DLAT: variants seen among roughly 807,000 people sequenced by gnomAD.
DLAT encodes the protein dihydrolipoyllysine-residue acetyltransferase component of pyruvate dehydrogenase complex, mitochondrial.
DLAT carries 43 observed loss-of-function variants against 68.0 expected under a neutral mutation model. The observed-to-expected ratio is 0.63, with a 90% CI of 0.50 to 0.81. The LOEUF (loss-of-function observed/expected upper bound fraction) is 0.81, where lower values mean the gene tolerates loss of function less well. DLAT is among the 40% of genes least tolerant of loss of function. DLAT has a pLI of 0.00. For missense variants in DLAT, 745 were observed against 815.4 expected (o/e 0.91, Z 1.05); for synonymous variants, 265 against 288.6 (o/e 0.92, Z 0.83).
At chr11:112,043,588 A>G (rs1302986446) in intron 8 of DLAT, 55 bp downstream of exon 8, 5 of 1,360,282 alleles carry the variant, frequency 3.7e-6, no homozygotes, top group Non-Finnish European at 4.2e-6. Context: ...AGCCTGTTAG[A>G]CCATTTCATA....
intron 11 of DLAT, among the ~76,000 whole-genome samples, chr11:112,052,771 C>G (rs974644214): frequency 1.6e-4 from 25 of 152,080 alleles, no homozygotes; most frequent in African/African-American, 6.0e-4. Flanking sequence ...CTCCCCTTTC[C>G]CTTAGGTCAG....
chr11:112,056,791 A>G (rs1310222815), intron 11 of DLAT, among the ~76,000 whole-genome samples: 4 of 152,204 alleles, frequency 2.6e-5, no homozygotes, highest in African/African-American at 4.8e-5. Context: ...CTTCCCACCA[A>G]TAGTGGATAA....
At chr11:112,054,512 G>A (rs1427091269) in intron 11 of DLAT, among the ~76,000 whole-genome samples, 1 of 152,142 alleles carries the variant, frequency 6.6e-6, no homozygotes, top group Non-Finnish European at 1.5e-5. Context: ...CTACGTATAT[G>A]TGAATTCTTT....
chr11:112,033,686 A>T (rs1217176374), intron 5 of DLAT, among the ~76,000 whole-genome samples, 156 bp downstream of exon 5: 1 of 152,142 alleles, frequency 6.6e-6, no homozygotes, highest in Non-Finnish European at 1.5e-5. Context: ...TTATTTAGTT[A>T]TATGTATTCT....
At position 112,051,748 on chromosome 11, in the gene DLAT, A is replaced by G. The variant is rs924538854; in HGVS notation, c.1514+399A>G. Among the ~76,000 whole-genome samples the G allele has an allele frequency of 3.3e-5, 5 of 152,126 alleles. No individual in the cohort carries two copies. The highest frequency in any genetic ancestry group is 9.7e-5 in the African/African-American group (4 of 41,404). On this transcript the variant is annotated intron_variant, in intron 11 of 13. Transcript: ENST00000280346. This position sits in a 1 kb window ranked among gnomAD's most constrained non-coding sequence, Gnocchi z 4.3. ...GCTGGATTTAGCTAGTAAAGGCTATAGATTCTTTGTATGAGTTCAGCAAAG... is the reference window on the plus strand; with the variant it reads ...GCTGGATTTAGCTAGTAAAGGCTATGGATTCTTTGTATGAGTTCAGCAAAG...
chr11:112,026,986 G>A (rs1402090264), intron 2 of DLAT, among the ~76,000 whole-genome samples: 2 of 151,414 alleles, frequency 1.3e-5, no homozygotes, highest in East Asian at 2.0e-4. Context: ...CTGGCTGGGC[G>A]GGGGGCTGGC....
chr11:112,041,665 A>G (rs1863057633), intron 7 of DLAT, among the ~76,000 whole-genome samples: 1 of 152,134 alleles, frequency 6.6e-6, no homozygotes, highest in Non-Finnish European at 1.5e-5. Flanking sequence ...GGTGGATCAC[A>G]GGTCAGGAGA....
intron 5 of DLAT, 55 bp downstream of exon 5, chr11:112,033,585 A>G: frequency 6.2e-7 from 1 of 1,603,188 alleles, no homozygotes; most frequent in South Asian, 1.1e-5. Context: ...AATGAGGAAG[A>G]GGATTGCCAT....
In DLAT at chr11:112,025,623, G is replaced by C. The variant is rs781909833; in HGVS notation, c.151G>C (p.Gly51Arg). 5 of 1,613,676 alleles carry C rather than the reference G, an allele frequency of 3.1e-6. No homozygotes were observed. Among genetic ancestry groups the C allele is most frequent in the South Asian group, 1.1e-5 (1 of 91,084 alleles). ...APARRNSVTT[G>R]YGGVRALCGW... ...CGCTCGTCGCAACAGCGTGACTACA[G>C]GGTATGGCGGGGTCCGGGCACTGTG... The change falls in exon 1 of 14, where the codon GGG becomes CGG. Residue 51 changes from glycine to arginine, a missense_variant. Coordinates refer to ENST00000280346, the MANE Select transcript of DLAT (RefSeq NM_001931.5).
intron 11 of DLAT, among the ~76,000 whole-genome samples, chr11:112,053,094 G>C (rs1863756388): frequency 6.6e-6 from 1 of 152,112 alleles, no homozygotes; most frequent in Admixed American, 6.5e-5. Flanking sequence ...GGCCGAGGCA[G>C]GTGGATCACT....
At chr11:112,043,407 G>C in intron 7 of DLAT, 59 bp from the exon 8 acceptor site, 5 of 1,495,516 alleles carry the variant, frequency 3.3e-6, no homozygotes, top group Non-Finnish European at 4.7e-6. Context: ...TCACAGCGTT[G>C]ATCTCCTTGG....
At chr11:112,027,158 G>T (rs1555179421) in intron 2 of DLAT, among the ~76,000 whole-genome samples, 2 of 151,736 alleles carry the variant, frequency 1.3e-5, no homozygotes, top group African/African-American at 2.4e-5. Context: ...TGGCTGCCGG[G>T]CGGAGGGGCT....
chr11:112,036,974 T>G (rs1375477458), intron 5 of DLAT: 3 of 372,156 alleles, frequency 8.1e-6, no homozygotes, highest in African/African-American at 2.1e-5. Context: ...TTTCATAGTT[T>G]TATTGAACAG....
chr11:112,048,387 C>A (rs960484241), intron 10 of DLAT, among the ~76,000 whole-genome samples: 1 of 152,166 alleles, frequency 6.6e-6, no homozygotes, highest in East Asian at 1.9e-4. Flanking sequence ...ATGGGGTTTT[C>A]TAACTATACA....
At position 112,063,448 on chromosome 11, in the gene DLAT, A is replaced by G. The variant is rs1864763045; in HGVS notation, c.*913A>G. On this transcript the variant is annotated 3_prime_UTR_variant, in exon 14 of 14. Transcript: ENST00000280346. ...GAATATATATGGAATAAGTGTACAT[A>G]TGTAAAATATTGTTACTAGAGTTAG... 1 of 152,622 alleles carries G rather than the reference A, an allele frequency of 6.6e-6. No individual in the cohort carries two copies. The highest frequency in any genetic ancestry group is 2.4e-5 in the African/African-American group (1 of 41,458). The allele number at this position is 152,622 out of a possible 1,614,324, so 9.5% of individuals were successfully genotyped here.
chr11:112,027,155 C>A (rs1263942311), intron 2 of DLAT, among the ~76,000 whole-genome samples: 1 of 150,310 alleles, frequency 6.7e-6, no homozygotes, highest in Non-Finnish European at 1.5e-5. Flanking sequence ...GGGTGGCTGC[C>A]GGGCGGAGGG....
chr11:112,062,532 G>A lies in DLAT; in HGVS notation c.1941G>A (p.Leu647=). 2 of 1,612,252 alleles carry A rather than the reference G, an allele frequency of 1.2e-6. No homozygotes were observed. Among genetic ancestry groups the A allele is most frequent in the Non-Finnish European group, 1.7e-6 (2 of 1,179,932 alleles). ...TTGAAAAACCTATCACTATGTTGTT[G>A]TAACTAACTCAAGAATTTCTAAACT... The part of the protein sequence containing the change: ...KYLEKPITML[L] The change falls in exon 14 of 14, where the codon TTG becomes TTA. Residue 647 remains leucine, a synonymous_variant. Coordinates refer to ENST00000280346, the MANE Select transcript of DLAT (RefSeq NM_001931.5).
intron 5 of DLAT, among the ~76,000 whole-genome samples, chr11:112,034,902 T>A (rs1404162593): frequency 3.3e-5 from 5 of 151,758 alleles, no homozygotes; most frequent in Non-Finnish European, 5.9e-5. Context: ...GCCTCCCGAG[T>A]AGCTGGGACT....
intron 4 of DLAT, chr11:112,030,508 G>A (rs1862335803): frequency 8.2e-6 from 2 of 243,864 alleles, no homozygotes; most frequent in South Asian, 5.3e-5. Context: ...GACATGTGGT[G>A]ATCTATTTTC....
Sources: gnomAD v4.1 joint callset for allele counts (sites outside exome capture counted in the v4.1 genomes callset) on GRCh38, gnomAD v4.1.1 for gene constraint, Gnocchi (gnomAD v3.1) non-coding constraint, MANE v1.5 for transcripts, NCBI Gene and HGNC (gene_info 2026-07-23, HGNC 2026-07-21) for gene names.